Variants in CCDC14 observed in about 807,000 individuals in gnomAD.
The protein encoded by CCDC14 is coiled-coil domain containing 14, also known as coiled-coil domain-containing protein 14.
In CCDC14, 71 loss-of-function variants were observed where a neutral mutation model predicts 81.4. The observed-to-expected ratio is 0.87, with a 90% CI of 0.72 to 1.06. CCDC14 has a LOEUF of 1.06. Among genes scored for constraint, CCDC14 ranks in the 50% least tolerant of loss-of-function variants. The pLI is 0.00. For missense variants in CCDC14, 1,046 were observed against 1,047.3 expected (o/e 1.00, Z 0.02); for synonymous variants, 332 against 364.8 (o/e 0.91, Z 1.03).
Position 123,913,909 on chromosome 3 carries a change from CA to C in CCDC14, c.*869del. The stretch of plus-strand genomic sequence containing the variant: ...TCCTGGTATAGAGAAGCAGAGAGAC[CA>C]ACCTACTTCATATTATTTATAAAAT... On this transcript the variant is annotated 3_prime_UTR_variant, in exon 13 of 13. Transcript: ENST00000409697. 1.0e-6 allele frequency: 1 copy of C among 985,038 alleles called. No homozygotes were observed. The highest frequency in any genetic ancestry group is 1.2e-6 in the Non-Finnish European group (1 of 829,560). 61.0% of individuals were successfully genotyped at this position (985,038 alleles called of 1,614,324 possible).
chr3:123,941,330 C>T (rs1035322828), intron 9 of CCDC14, among the ~76,000 whole-genome samples: 1 of 151,806 alleles, frequency 6.6e-6, no homozygotes, highest in Non-Finnish European at 1.5e-5. Context: ...AGAAACGATG[C>T]ATCTAGCTAT....
chr3:123,902,548 T>C (rs781619416), intron 5 of CCDC14, among the ~76,000 whole-genome samples: 8 of 152,108 alleles, frequency 5.3e-5, no homozygotes, highest in Non-Finnish European at 1.2e-4. Context: ...CACCAAAACA[T>C]AGAAATGCAA....
At position 123,961,225 on chromosome 3, in the gene CCDC14, A is replaced by G. The variant is rs1382314460; in HGVS notation, c.-52T>C. Reference sequence around the variant, plus strand: ...CCGAGGGAAGTGAAGCCTCACGGTAAAAAGAATTAACCGCCGTGGGCTCCC... The same window carrying G: ...CCGAGGGAAGTGAAGCCTCACGGTAGAAAGAATTAACCGCCGTGGGCTCCC... On this transcript the variant is annotated 5_prime_UTR_variant, in exon 1 of 13. Coordinates refer to ENST00000409697, the MANE Select transcript of CCDC14 (RefSeq NM_001366335.1). The G allele has an allele frequency of 2.1e-5, 32 of 1,551,550 alleles. No individual in the cohort carries two copies. Among genetic ancestry groups the G allele is most frequent in the Non-Finnish European group, 2.8e-5 (32 of 1,146,976 alleles).
intron 12 of CCDC14, among the ~76,000 whole-genome samples, chr3:123,929,018 A>G (rs1443087049): frequency 3.3e-5 from 5 of 152,214 alleles, no homozygotes; most frequent in Non-Finnish European, 7.3e-5. Flanking sequence ...TCAGCTTGTG[A>G]TTTCATACCC....
chr3:123,905,287 C>G (rs898608032), intron 5 of CCDC14, among the ~76,000 whole-genome samples: 1 of 152,104 alleles, frequency 6.6e-6, no homozygotes, highest in African/African-American at 2.4e-5. Context: ...GGTGGCCAGG[C>G]AGAAGGTGGG....
chr3:123,948,549 G>A, intron 7 of CCDC14, 142 bp downstream of exon 7: 1 of 755,360 alleles, frequency 1.3e-6, no homozygotes, highest in Non-Finnish European at 2.1e-6. Flanking sequence ...CCATAAACAT[G>A]TAAAACTTTT....
chr3:123,888,979 C>T, the CCDC14 span, among the ~76,000 whole-genome samples: 1 of 152,258 alleles, frequency 6.6e-6, no homozygotes, highest in East Asian at 1.9e-4. Context: ...AACATTAACT[C>T]AAAAATCCAC....
intron 5 of CCDC14, among the ~76,000 whole-genome samples, chr3:123,949,877 C>T (rs1010902755): frequency 1.3e-5 from 2 of 152,174 alleles, no homozygotes; most frequent in Non-Finnish European, 2.9e-5. Context: ...CTATAGAAAT[C>T]ATATGCCACT....
chr3:123,917,511 A>C (rs1392982616), intron 12 of CCDC14, among the ~76,000 whole-genome samples: 1 of 122,506 alleles, frequency 8.2e-6, no homozygotes, highest in African/African-American at 4.0e-5. Context: ...AAAAAAAAAC[A>C]AAAAACAAAA....
chr3:123,935,540 T>C (rs1198241714), intron 9 of CCDC14, among the ~76,000 whole-genome samples: 1 of 152,204 alleles, frequency 6.6e-6, no homozygotes, highest in Non-Finnish European at 1.5e-5. Flanking sequence ...TAAATTATGG[T>C]ACATCCATAT....
chr3:123,947,980 T>G (rs1160369541), intron 7 of CCDC14, among the ~76,000 whole-genome samples: 1 of 152,096 alleles, frequency 6.6e-6, no homozygotes, highest in African/African-American at 2.4e-5. Flanking sequence ...TAATAAAGTA[T>G]TAAGTGAAAG....
intron 12 of CCDC14, among the ~76,000 whole-genome samples, chr3:123,918,456 T>C (rs888155664): frequency 2.0e-5 from 3 of 152,138 alleles, no homozygotes; most frequent in Admixed American, 6.5e-5. Context: ...GAAATCGAAC[T>C]AGCTACTATC....
intron 5 of CCDC14, 121 bp downstream of exon 5, chr3:123,955,722 C>G (rs189976842): frequency 2.4e-6 from 2 of 838,570 alleles, no homozygotes; most frequent in African/African-American, 3.6e-5. Flanking sequence ...AAGGCATAAG[C>G]ACACATAAAC....
intron 8 of CCDC14, 126 bp downstream of exon 8, chr3:123,946,677 T>C (rs1391527412): frequency 1.7e-5 from 16 of 950,904 alleles, no homozygotes; most frequent in Non-Finnish European, 2.4e-5. Context: ...TAGAACTCAT[T>C]TTCTTATTAG....
At chr3:123,934,882 T>C (rs1235740781) in intron 9 of CCDC14, among the ~76,000 whole-genome samples, 1 of 152,170 alleles carries the variant, frequency 6.6e-6, no homozygotes, top group Non-Finnish European at 1.5e-5. Context: ...AACCCAACTA[T>C]ACAAGTTTTA....
intron 5 of CCDC14, among the ~76,000 whole-genome samples, chr3:123,898,294 A>C (rs1450639648): frequency 6.6e-6 from 1 of 152,264 alleles, no homozygotes; most frequent in Admixed American, 6.5e-5. Flanking sequence ...ATTGCAAAGC[A>C]TATCAGCAGA....
intron 9 of CCDC14, among the ~76,000 whole-genome samples, chr3:123,942,381 G>T (rs1258726389): frequency 1.3e-5 from 2 of 151,952 alleles, no homozygotes; most frequent in African/African-American, 4.8e-5. Flanking sequence ...CTCACTTTTG[G>T]TTTTAAAAAT....
downstream of CCDC14, among the ~76,000 whole-genome samples, chr3:123,892,806 T>G (rs1279374765): frequency 6.6e-6 from 1 of 152,170 alleles, no homozygotes; most frequent in Non-Finnish European, 1.5e-5. Context: ...ATTTATAATT[T>G]TAACCATTTT....
At chr3:123,919,428 C>T (rs754937556) in intron 12 of CCDC14, among the ~76,000 whole-genome samples, 2 of 152,174 alleles carry the variant, frequency 1.3e-5, no homozygotes, top group Non-Finnish European at 2.9e-5. Flanking sequence ...AACCCAGAAA[C>T]ACTGAAGCCC....
Sources: gnomAD v4.1 joint callset for allele counts (sites outside exome capture counted in the v4.1 genomes callset) on GRCh38, gnomAD v4.1.1 for gene constraint, MANE v1.5 for transcripts, NCBI Gene and HGNC (gene_info 2026-07-23, HGNC 2026-07-21) for gene names.